Variants in NCKAP5 observed in about 807,000 individuals in gnomAD.
NCKAP5 encodes nck-associated protein 5.
NCKAP5 carries 92 observed loss-of-function variants against 167.0 expected under a neutral mutation model. The ratio of observed to expected loss-of-function variants is 0.55; its 90% CI spans 0.47 to 0.66. NCKAP5 has a LOEUF of 0.66. Among genes scored for constraint, NCKAP5 ranks in the 30% least tolerant of loss-of-function variants. The probability of loss-of-function intolerance (pLI) is 0.00; values close to 1 mark genes in which losing one functional copy is unlikely to be tolerated. For synonymous variants in NCKAP5, 891 were observed against 877.4 expected (o/e 1.02, Z -0.27); for missense variants, 2,378 against 2,315.0 (o/e 1.03, Z -0.56).
In NCKAP5 at chr2:133,027,594, G is replaced by C. The variant is rs148971179; in HGVS notation, c.342-33355C>G. Among the ~76,000 whole-genome samples, 258 of 152,190 alleles carry C rather than the reference G, an allele frequency of 1.7e-3. 5 individuals are homozygous for C. In the East Asian group the frequency reaches 0.038, roughly 23 times the overall value. ...ATCCAAACTGCTTCATGACACTAAG[G>C]GTATATAGGGAGTTGTAAAGGGGAC... On this transcript the variant is annotated intron_variant, in intron 6 of 19. Transcript: ENST00000409261.
the NCKAP5 span, among the ~76,000 whole-genome samples, chr2:133,586,751 TCACACACACA>T: frequency 0.011 from 1,522 of 140,906 alleles, 9 homozygotes; most frequent in South Asian, 0.024. Context: ...GACAGCAATA[TCACACACACA>T]CACACACACA....
intron 5 of NCKAP5, among the ~76,000 whole-genome samples, chr2:133,134,825 A>G (rs2082731236): frequency 6.6e-6 from 1 of 152,232 alleles, no homozygotes; most frequent in South Asian, 2.1e-4. Flanking sequence ...TTAAATCATT[A>G]AAGTATCAAA....
chr2:133,472,746 G>C (rs547283000), intron 3 of NCKAP5, among the ~76,000 whole-genome samples: 15 of 152,170 alleles, frequency 9.9e-5, no homozygotes, highest in Non-Finnish European at 1.6e-4. Flanking sequence ...TCTACCTTCT[G>C]AGCAGATATT....
intron 3 of NCKAP5, among the ~76,000 whole-genome samples, chr2:133,367,008 T>G (rs1413589957): frequency 2.0e-5 from 3 of 152,210 alleles, no homozygotes; most frequent in Admixed American, 6.5e-5. Flanking sequence ...TGATAAACTT[T>G]AAGACAAGTA....
At chr2:132,986,327 T>A (rs1039176636) in intron 7 of NCKAP5, among the ~76,000 whole-genome samples, 2 of 152,210 alleles carry the variant, frequency 1.3e-5, no homozygotes, top group South Asian at 4.1e-4. Context: ...GGTGTTGATG[T>A]ACCTCACTGG....
intron 5 of NCKAP5, among the ~76,000 whole-genome samples, chr2:133,200,526 T>C (rs2085643232): frequency 6.6e-6 from 1 of 152,118 alleles, no homozygotes; most frequent in South Asian, 2.1e-4. Context: ...ATAAAACTTT[T>C]ACAGGAAAAT....
chr2:133,081,153 G>A (rs935344350), intron 6 of NCKAP5, among the ~76,000 whole-genome samples: 2 of 152,010 alleles, frequency 1.3e-5, no homozygotes, highest in African/African-American at 4.8e-5. Flanking sequence ...TCCATGTAAA[G>A]AAGCCCTAAA....
chr2:133,122,593 T>G (rs1429521559), intron 6 of NCKAP5: 2 of 152,202 alleles, frequency 1.3e-5, no homozygotes, highest in Admixed American at 6.5e-5. Flanking sequence ...AACTTCCTTT[T>G]GCCAGCCAAG....
Position 133,129,998 on chromosome 2 carries a change from G to C in NCKAP5, c.321C>G (p.Ser107Arg), listed in dbSNP as rs1446814390. The change falls in exon 6 of 20, where the codon AGC becomes AGG. Residue 107 changes from serine (S) to arginine (R), a missense_variant. Around this residue, in one of 3 missense-constraint regions of NCKAP5, gnomAD observed 1,049 missense variants for 1,023.4 expected, o/e 1.02. Coordinates refer to ENST00000409261, the MANE Select transcript of NCKAP5 (RefSeq NM_207363.3). ...ESERNRIQMR[S>R]LQQQFSRMEE... is the part of the protein sequence containing the mutation. ...AATACCTGGAGAACTGCTGCTGCAA[G>C]CTACGCATCTGAATTCTGTTGCGTT... 2 of 1,607,420 alleles carry C rather than the reference G, an allele frequency of 1.2e-6. No homozygotes were observed. The highest frequency in any genetic ancestry group is 1.7e-5 in the Admixed American group (1 of 58,272).
intron 3 of NCKAP5, among the ~76,000 whole-genome samples, chr2:133,438,199 G>A (rs966944381): frequency 6.6e-6 from 1 of 152,218 alleles, no homozygotes; most frequent in Admixed American, 6.5e-5. Flanking sequence ...TGAGCCACAG[G>A]TGTTGTTGGG....
chr2:132,988,667 C>A (rs1382186668), intron 7 of NCKAP5, among the ~76,000 whole-genome samples: 1 of 152,196 alleles, frequency 6.6e-6, no homozygotes, highest in African/African-American at 2.4e-5. Flanking sequence ...CCAGTCCCTC[C>A]TGTTTCTCTG....
intron 5 of NCKAP5, among the ~76,000 whole-genome samples, chr2:133,171,350 TG>T (rs948302937): frequency 3.9e-5 from 6 of 152,150 alleles, no homozygotes; most frequent in Non-Finnish European, 7.3e-5. Context: ...GGAATAAGCA[TG>T]TTTTTTTTGT....
the NCKAP5 span, among the ~76,000 whole-genome samples, chr2:133,636,448 C>T: frequency 6.6e-6 from 1 of 152,184 alleles, no homozygotes; most frequent in Non-Finnish European, 1.5e-5. Flanking sequence ...AGGCAACTCT[C>T]AAGAAGAGGC....
At chr2:133,064,818 C>G (rs368632435) in intron 6 of NCKAP5, among the ~76,000 whole-genome samples, 1 of 152,082 alleles carries the variant, frequency 6.6e-6, no homozygotes, top group Admixed American at 6.5e-5. Context: ...TGAGCATAGC[C>G]CCTTAGTAAC....
chr2:133,357,292 C>CACAG (rs1684801841), intron 3 of NCKAP5, among the ~76,000 whole-genome samples: 1 of 134,210 alleles, frequency 7.5e-6, no homozygotes, highest in South Asian at 2.6e-4. Flanking sequence ...TACACAGACA[C>CACAG]ACACACACAC....
At chr2:133,224,649 A>T (rs949096181) in intron 4 of NCKAP5, among the ~76,000 whole-genome samples, 11 of 152,176 alleles carry the variant, frequency 7.2e-5, no homozygotes, top group Non-Finnish European at 1.5e-4. Flanking sequence ...CAAATTTTTG[A>T]TAAAGTTGGA....
At chr2:132,934,722 T>G (rs921354178) in intron 8 of NCKAP5, among the ~76,000 whole-genome samples, 6 of 152,248 alleles carry the variant, frequency 3.9e-5, no homozygotes, top group African/African-American at 1.4e-4. Context: ...AAAGACCTAT[T>G]TGGTGCCAGA....
chr2:133,072,684 T>A lies in NCKAP5; in HGVS notation c.341+57294A>T, dbSNP rs550152116. 8.5e-5 allele frequency among the ~76,000 whole-genome samples: 13 copies of A among 152,338 alleles called. No individual in the cohort carries two copies. In the South Asian group the frequency reaches 2.7e-3, roughly 32 times the overall value. ...GCCAGGACTGTTCTAGGAAATGAGA[T>A]ACGATACCACATAAACAATGTCTCT... On this transcript the variant is annotated intron_variant, in intron 6 of 19. Transcript: ENST00000409261.
At chr2:133,501,828 A>G (rs1682545042) in intron 3 of NCKAP5, among the ~76,000 whole-genome samples, 1 of 152,230 alleles carries the variant, frequency 6.6e-6, no homozygotes, top group Non-Finnish European at 1.5e-5. Flanking sequence ...ACCTTACTCT[A>G]TTCAATTTTT....
Sources: allele counts gnomAD v4.1 joint callset (sites outside exome capture counted in the v4.1 genomes callset), GRCh38; gene constraint gnomAD v4.1.1; regional missense constraint gnomAD v4.1.1; transcripts MANE v1.5; gene names NCBI Gene and HGNC (gene_info 2026-07-23, HGNC 2026-07-21).